STPG1: variants seen among roughly 807,000 people sequenced by gnomAD.
STPG1 encodes sperm tail PG-rich repeat containing 1.
A neutral mutation model predicts 40.1 loss-of-function variants in STPG1; 33 were observed. The ratio of observed to expected loss-of-function variants is 0.82; its 90% CI spans 0.62 to 1.10. STPG1 has a LOEUF of 1.10. Ranked by LOEUF, STPG1 falls within the 50% of genes least tolerant of loss-of-function variation. The pLI, the probability that STPG1 is intolerant of heterozygous loss-of-function variation, is 0.00. For missense variants in STPG1, 396 were observed against 415.1 expected (o/e 0.95, Z 0.40); for synonymous variants, 150 against 155.0 (o/e 0.97, Z 0.24).
At position 24,359,195 on chromosome 1, in the gene STPG1, C is replaced by T. The variant is rs1569952248; in HGVS notation, c.929-576G>A. Among the ~76,000 whole-genome samples the T allele has an allele frequency of 6.6e-6, 1 of 152,184 alleles. No individual in the cohort carries two copies. The highest frequency in any genetic ancestry group is 2.4e-5 in the African/African-American group (1 of 41,438). On this transcript the variant is annotated intron_variant, in intron 8 of 8. Transcript: ENST00000337248. The surrounding 1 kb of genome is among the most constrained non-coding windows in gnomAD (Gnocchi z 5.3). ...TTACTGGAAGCTGAGCAGGCAGATG[C>T]CGGCACGTGCACGTGCCCAGGAAAC... is the stretch of plus-strand genomic sequence containing the variant.
intron 7 of STPG1, chr1:24,364,436 A>G: frequency 6.8e-7 from 1 of 1,460,862 alleles, no homozygotes; most frequent in Non-Finnish European, 9.0e-7. Flanking sequence ...CTCAGCTCAG[A>G]GTATGTGGCC....
chr1:24,383,973 C>T lies in STPG1; in HGVS notation c.220G>A (p.Val74Ile). The change falls in exon 4 of 9, where the codon GTT becomes ATT. Residue 74 changes from valine (V) to isoleucine (I), a missense_variant. Val to Ile is a conservative substitution (Grantham distance 29). Coordinates refer to ENST00000337248, the MANE Select transcript of STPG1 (RefSeq NM_001199013.2). ...TTGGACACCGGTGACTGGTGAATAACATTGTAGAACCCAGGTCCTGGGATA... is the reference window on the plus strand; with the variant it reads ...TTGGACACCGGTGACTGGTGAATAATATTGTAGAACCCAGGTCCTGGGATA... The part of the protein sequence containing the change: ...NDIPGPGFYN[V>I]IHQSPVSNSV... 6.2e-7 allele frequency: 1 copy of T among 1,613,814 alleles called. No homozygotes were observed. Among genetic ancestry groups the T allele is most frequent in the Non-Finnish European group, 8.5e-7 (1 of 1,179,688 alleles).
At chr1:24,373,869 T>A (rs1009729755) in intron 5 of STPG1, 59 bp from the exon 6 acceptor site, 5 of 1,267,614 alleles carry the variant, frequency 3.9e-6, no homozygotes, top group East Asian at 4.7e-5. Flanking sequence ...GTCTTCGTCA[T>A]CATGCCTGGA....
rs1010006180 is a variant in STPG1 at position 24,379,235 on chromosome 1, G to A, written c.462+418C>T. The A allele has an allele frequency of 4.2e-5, 8 of 191,464 alleles. No individual in the cohort carries two copies. The South Asian group carries it at 8.3e-4, about 20-fold the overall frequency. 11.9% of individuals were successfully genotyped at this position (191,464 alleles called of 1,614,324 possible). ...CAAAGCGATCATAATTGGCACAGCA[G>A]GGCACGACTGTTAAAACACCTATTT... On this transcript the variant is annotated intron_variant, in intron 5 of 8. Coordinates refer to ENST00000337248, the MANE Select transcript of STPG1 (RefSeq NM_001199013.2).
chr1:24,386,059 G>T lies in STPG1; in HGVS notation c.190-2056C>A, dbSNP rs572993166. Among the ~76,000 whole-genome samples the T allele has an allele frequency of 8.3e-4, 127 of 152,288 alleles. 2 individuals are homozygous for T. The highest frequency in any genetic ancestry group is 3.2e-3 in the Admixed American group (49 of 15,302). On this transcript the variant is annotated intron_variant, in intron 3 of 8. Coordinates refer to ENST00000337248, the MANE Select transcript of STPG1 (RefSeq NM_001199013.2). ...ACTCATATGTGTCTGAGGAGCTAGG[G>T]GTTCCAGACAAAATGCAAGACCTAA... is the stretch of plus-strand genomic sequence containing the variant.
At chr1:24,385,136 T>C (rs978965041) in intron 3 of STPG1, among the ~76,000 whole-genome samples, 3 of 152,122 alleles carry the variant, frequency 2.0e-5, no homozygotes, top group Admixed American at 6.5e-5. Context: ...TTCCTTAGGG[T>C]AGAAAGCCCA....
intron 1 of STPG1, among the ~76,000 whole-genome samples, chr1:24,409,200 A>G (rs1643522289): frequency 1.3e-5 from 2 of 152,158 alleles, no homozygotes; most frequent in African/African-American, 4.8e-5. Flanking sequence ...TCTCTACAAA[A>G]AATATAAAAA....
At chr1:24,385,926 C>T (rs192640765) in intron 3 of STPG1, among the ~76,000 whole-genome samples, 3 of 152,308 alleles carry the variant, frequency 2.0e-5, no homozygotes, top group Admixed American at 1.3e-4. Flanking sequence ...GGAAGTGTCA[C>T]TGTGACTCTT....
intron 1 of STPG1, among the ~76,000 whole-genome samples, chr1:24,406,543 G>C (rs900317557): frequency 1.3e-5 from 2 of 152,028 alleles, no homozygotes; most frequent in African/African-American, 4.8e-5. Flanking sequence ...TTTTCATGCA[G>C]TGCAGGTCTT....
intron 5 of STPG1, among the ~76,000 whole-genome samples, chr1:24,378,786 A>T (rs1236272419): frequency 6.6e-6 from 1 of 152,262 alleles, no homozygotes; most frequent in East Asian, 1.9e-4. Flanking sequence ...TCTTAAGTAC[A>T]ATTCATATCT....
intron 4 of STPG1, among the ~76,000 whole-genome samples, chr1:24,383,690 C>T (rs539239025): frequency 6.6e-6 from 1 of 152,318 alleles, no homozygotes; most frequent in South Asian, 2.1e-4. Context: ...TCTGGCTTCT[C>T]TTCCCACCCT....
chr1:24,405,037 A>C (rs1557463556), intron 1 of STPG1, among the ~76,000 whole-genome samples: 1 of 152,224 alleles, frequency 6.6e-6, no homozygotes, highest in Non-Finnish European at 1.5e-5. Context: ...AGCTCACTGC[A>C]ACCTCCAACT....
intron 5 of STPG1, among the ~76,000 whole-genome samples, chr1:24,378,129 G>A (rs1305711228): frequency 3.3e-5 from 5 of 151,550 alleles, no homozygotes; most frequent in African/African-American, 2.4e-5. Flanking sequence ...CCCTGGAAAC[G>A]TGGCTGGCCC....
At chr1:24,395,471 C>T (rs910873290) in intron 2 of STPG1, among the ~76,000 whole-genome samples, 4 of 143,770 alleles carry the variant, frequency 2.8e-5, no homozygotes, top group Middle Eastern at 3.7e-3. Context: ...CTCGTTCTTG[C>T]GCCCAGGCTG....
rs767653035 is a variant in STPG1 at position 24,383,159 on chromosome 1, C to T, written c.291+743G>A. The stretch of plus-strand genomic sequence containing the variant: ...AACTCCTGGGCTTAAGTGATCTTCC[C>T]GCATTGGCCTTCCGAAATGCTGGCA... On this transcript the variant is annotated intron_variant, in intron 4 of 8. Transcript: ENST00000337248. Among the ~76,000 whole-genome samples, 9 of 152,208 alleles carry T rather than the reference C, an allele frequency of 5.9e-5. No individual in the cohort carries two copies. In the South Asian group the frequency reaches 8.3e-4, roughly 14 times the overall value.
Position 24,379,821 on chromosome 1 carries a change from G to A in STPG1, c.294C>T (p.Cys98=), listed in dbSNP as rs139161643. 3.0e-4 allele frequency: 480 copies of A among 1,613,358 alleles called. No individual in the cohort carries two copies. The highest frequency in any genetic ancestry group is 3.6e-4 in the Non-Finnish European group (426 of 1,179,478). The change falls in exon 5 of 9, where the codon TGC becomes TGT. Residue 98 remains cysteine (C), a splice_region_variant and synonymous_variant. Coordinates refer to ENST00000337248, the MANE Select transcript of STPG1 (RefSeq NM_001199013.2). ...KKGTCMFPSM[C]ARLDTIISKY... ...TAGAAATGATGGTGTCCAATCGGGC[G>A]CACTGTAAGGAGACAACCAAAGGAA...
intron 7 of STPG1, 120 bp downstream of exon 7, chr1:24,369,554 C>T: frequency 9.1e-7 from 1 of 1,098,892 alleles, no homozygotes; most frequent in Non-Finnish European, 1.3e-6. Flanking sequence ...CTAAGGGCCC[C>T]TGAAGAGAGT....
intron 2 of STPG1, among the ~76,000 whole-genome samples, chr1:24,396,096 A>G (rs1642988061): frequency 6.6e-6 from 1 of 152,212 alleles, no homozygotes; most frequent in Non-Finnish European, 1.5e-5. Context: ...AGGGAAAAAT[A>G]AAAATATACT....
chr1:24,401,280 A>G (rs1364956165), intron 2 of STPG1, 39 bp downstream of exon 2: 3 of 1,593,216 alleles, frequency 1.9e-6, no homozygotes, highest in Non-Finnish European at 1.7e-6. Context: ...AAATAAGCAT[A>G]TGTCAGGAGC....
Sources: gnomAD v4.1 joint callset for allele counts (sites outside exome capture counted in the v4.1 genomes callset) on GRCh38, gnomAD v4.1.1 for gene constraint, Gnocchi (gnomAD v3.1) non-coding constraint, MANE v1.5 for transcripts, NCBI Gene and HGNC (gene_info 2026-07-23, HGNC 2026-07-21) for gene names.